CEP162: variants seen among roughly 807,000 people sequenced by gnomAD.
The protein encoded by CEP162 is centrosomal protein 162.
CEP162 carries 141 observed loss-of-function variants against 169.2 expected under a neutral mutation model. The ratio of observed to expected loss-of-function variants is 0.83; its 90% CI spans 0.73 to 0.96. The LOEUF is 0.96. Among genes scored for constraint, CEP162 ranks in the 40% least tolerant of loss-of-function variants. CEP162 has a pLI of 0.00. For synonymous variants in CEP162, 540 were observed against 526.4 expected (o/e 1.03, Z -0.35); for missense variants, 1,600 against 1,587.2 (o/e 1.01, Z -0.14).
rs1588724458 is a variant in CEP162 at position 84,146,624 on chromosome 6, A to G, written c.3870+63T>C. 3.7e-5 allele frequency: 26 copies of G among 707,866 alleles called. No individual in the cohort carries two copies. In the East Asian group the frequency reaches 7.2e-4, roughly 20 times the overall value. 43.8% of individuals were successfully genotyped at this position (707,866 alleles called of 1,614,324 possible). On this transcript the variant is annotated intron_variant, in intron 25 of 26. Coordinates refer to ENST00000403245, the MANE Select transcript of CEP162 (RefSeq NM_014895.4). ...ACATTTAGGTAAAAAATTTATAAAT[A>G]TGAATATGATTGAAATGCCTAAGAA...
intron 18 of CEP162, among the ~76,000 whole-genome samples, chr6:84,166,860 T>C (rs1200392282): frequency 6.6e-6 from 1 of 152,184 alleles, no homozygotes; most frequent in African/African-American, 2.4e-5. Flanking sequence ...GTATAAATAA[T>C]TTTTGCTCTA....
chr6:84,150,621 G>A (rs2099520736), intron 23 of CEP162, among the ~76,000 whole-genome samples: 1 of 152,092 alleles, frequency 6.6e-6, no homozygotes, highest in African/African-American at 2.4e-5. Context: ...CTCAGGCCCA[G>A]ACTTATCTAA....
chr6:84,223,124 A>C (rs1034634340), intron 2 of CEP162, among the ~76,000 whole-genome samples: 1 of 152,226 alleles, frequency 6.6e-6, no homozygotes, highest in Non-Finnish European at 1.5e-5. Context: ...AATACATGAT[A>C]AGTGTTCTTA....
chr6:84,200,668 T>C, intron 9 of CEP162, 121 bp downstream of exon 9: 1 of 447,884 alleles, frequency 2.2e-6, no homozygotes, highest in Non-Finnish European at 4.0e-6. Context: ...TAGAAAAATG[T>C]CAGATTTAAA....
intron 3 of CEP162, among the ~76,000 whole-genome samples, chr6:84,218,281 CA>C (rs983143750): frequency 2.0e-5 from 3 of 152,068 alleles, no homozygotes; most frequent in Non-Finnish European, 2.9e-5. Context: ...TTTGCAGATG[CA>C]AAAAGGCCAG....
At chr6:84,211,128 ATGTT>A (rs901059012) in intron 6 of CEP162, among the ~76,000 whole-genome samples, 3 of 152,158 alleles carry the variant, frequency 2.0e-5, no homozygotes, top group Middle Eastern at 3.2e-3. Context: ...TCTGTAAAAT[ATGTT>A]TAATATTAAG....
At chr6:84,182,356 T>C (rs567093620) in intron 13 of CEP162, among the ~76,000 whole-genome samples, 65 of 151,808 alleles carry the variant, frequency 4.3e-4, no homozygotes, top group African/African-American at 1.6e-3. Flanking sequence ...TAATAAGTAT[T>C]TTTGTCCTTT....
At chr6:84,148,444 G>A (rs974225874) in intron 24 of CEP162, among the ~76,000 whole-genome samples, 2 of 152,046 alleles carry the variant, frequency 1.3e-5, no homozygotes, top group East Asian at 1.9e-4. Context: ...CAGAAGAATC[G>A]CTTGAACCTG....
intron 13 of CEP162, among the ~76,000 whole-genome samples, chr6:84,183,263 ACCT>A (rs2099535698): frequency 1.3e-5 from 2 of 151,798 alleles, no homozygotes; most frequent in Admixed American, 1.3e-4. Context: ...TCATCTAGCA[ACCT>A]CCTCATCATT....
chr6:84,223,333 T>C (rs1432793434), intron 2 of CEP162, among the ~76,000 whole-genome samples: 1 of 151,538 alleles, frequency 6.6e-6, no homozygotes, highest in African/African-American at 2.4e-5. Flanking sequence ...ACCATGTCTC[T>C]ACTAAAAATA....
At position 84,125,063 on chromosome 6, in the gene CEP162, A is replaced by G; in HGVS notation, c.*7T>C. The G allele has an allele frequency of 6.2e-7, 1 of 1,605,600 alleles. No individual in the cohort carries two copies. Among genetic ancestry groups the G allele is most frequent in the Non-Finnish European group, 8.5e-7 (1 of 1,173,734 alleles). On this transcript the variant is annotated 3_prime_UTR_variant, in exon 27 of 27. Coordinates refer to ENST00000403245, the MANE Select transcript of CEP162 (RefSeq NM_014895.4). ...TTAATAAGGTCATTATGAAATCTGA[A>G]TTTCTATTAATACTCTGGTGCATTC...
At chr6:84,154,333 T>TGTCG (rs1334829488) in intron 22 of CEP162, among the ~76,000 whole-genome samples, 3 of 142,682 alleles carry the variant, frequency 2.1e-5, no homozygotes, top group African/African-American at 8.5e-5. Flanking sequence ...TCTATCTATC[T>TGTCG]GTCTGTCTGT....
intron 18 of CEP162, 77 bp from the exon 19 acceptor site, chr6:84,163,347 A>G: frequency 9.2e-7 from 1 of 1,082,272 alleles, no homozygotes; most frequent in Non-Finnish European, 1.3e-6. Context: ...CAAACAATCC[A>G]TCATGAACAC....
intron 16 of CEP162, among the ~76,000 whole-genome samples, chr6:84,172,257 C>T (rs1030039020): frequency 5.3e-5 from 8 of 152,126 alleles, no homozygotes; most frequent in Non-Finnish European, 1.2e-4. Flanking sequence ...TGAAAGTTGT[C>T]AGGACAAGGC....
intron 25 of CEP162, among the ~76,000 whole-genome samples, chr6:84,140,682 C>T (rs1473946029): frequency 6.6e-6 from 1 of 151,964 alleles, no homozygotes; most frequent in African/African-American, 2.4e-5. Context: ...CATGTTACTG[C>T]ACAGGCTAAT....
At chr6:84,188,714 T>C (rs926716535) in intron 11 of CEP162, among the ~76,000 whole-genome samples, 1 of 152,198 alleles carries the variant, frequency 6.6e-6, no homozygotes, top group African/African-American at 2.4e-5. Context: ...TATGTCTTTA[T>C]GGTAGAACAA....
intron 25 of CEP162, among the ~76,000 whole-genome samples, chr6:84,133,267 C>T (rs1295479197): frequency 6.6e-6 from 1 of 152,120 alleles, no homozygotes; most frequent in East Asian, 1.9e-4. Flanking sequence ...GTCAGTTGGC[C>T]CCTATTGGGA....
At chr6:84,187,331 T>C (rs1306882228) in intron 11 of CEP162, among the ~76,000 whole-genome samples, 1 of 152,156 alleles carries the variant, frequency 6.6e-6, no homozygotes, top group African/African-American at 2.4e-5. Context: ...TATTTAATCG[T>C]GTGTCAATTA....
chr6:84,153,226 A>C, intron 22 of CEP162, 47 bp from the exon 23 acceptor site: 2 of 1,536,520 alleles, frequency 1.3e-6, no homozygotes, highest in Non-Finnish European at 8.7e-7. Context: ...TAAACGTTTC[A>C]TTAGTTGCTG....
Sources: allele counts gnomAD v4.1 joint callset (sites outside exome capture counted in the v4.1 genomes callset), GRCh38; gene constraint gnomAD v4.1.1; transcripts MANE v1.5; gene names NCBI Gene and HGNC (gene_info 2026-07-23, HGNC 2026-07-21).